Variants in CACHD1 observed in about 807,000 individuals in gnomAD.
CACHD1 encodes cache domain containing 1.
In CACHD1, 71 loss-of-function variants were observed where a neutral mutation model predicts 138.7. The ratio of observed to expected loss-of-function variants is 0.51; its 90% CI spans 0.42 to 0.62. CACHD1 has a LOEUF of 0.62. Ranked by LOEUF, CACHD1 falls within the 20% of genes least tolerant of loss-of-function variation. The pLI, the probability that CACHD1 is intolerant of heterozygous loss-of-function variation, is 0.00. For synonymous variants in CACHD1, 578 were observed against 591.5 expected (o/e 0.98, Z 0.33); for missense variants, 1,389 against 1,625.3 (o/e 0.85, Z 2.50).
In CACHD1 at chr1:64,500,734, AAGAGAG is replaced by A. The variant is rs5774705; in HGVS notation, c.198+29819_198+29824del. On this transcript the variant is annotated intron_variant, in intron 1 of 26. Coordinates refer to ENST00000651257, the MANE Select transcript of CACHD1 (RefSeq NM_020925.4). The stretch of plus-strand genomic sequence containing the variant: ...TTGTCTCTTAAAAAAAAAAAAAAAA[AAGAGAG>A]AGAGAGAGAGAGAGAGAGAGAGAGA... Among the ~76,000 whole-genome samples the A allele has an allele frequency of 7.2e-3, 191 of 26,438 alleles. 1 individual carries two copies. Among genetic ancestry groups the A allele is most frequent in the African/African-American group, 0.013 (154 of 11,986 alleles). The allele number at this position is 26,438 out of a possible 152,430, so 17.3% of individuals were successfully genotyped here. A position where few individuals can be genotyped will look rare whatever the true frequency, so the allele number is the denominator to read the frequency against.
chr1:64,652,381 A>G (rs574284388), intron 10 of CACHD1, 71 bp downstream of exon 10: 2 of 1,356,730 alleles, frequency 1.5e-6, no homozygotes, highest in Non-Finnish European at 2.0e-6. Context: ...TAGATATTCT[A>G]CAAACAAAAT....
chr1:64,634,314 G>A (rs1290185966), intron 7 of CACHD1, 54 bp downstream of exon 7: 11 of 1,226,538 alleles, frequency 9.0e-6, no homozygotes, highest in Non-Finnish European at 1.3e-5. Flanking sequence ...GATGGCAATA[G>A]GAATATATTG....
intron 1 of CACHD1, among the ~76,000 whole-genome samples, chr1:64,481,372 C>T (rs115485474): frequency 9.9e-5 from 15 of 152,126 alleles, no homozygotes; most frequent in East Asian, 1.9e-4. Context: ...GGTGGAAGGA[C>T]GGTGAAAATT....
chr1:64,558,940 A>G (rs1285811069), intron 2 of CACHD1, among the ~76,000 whole-genome samples: 1 of 152,210 alleles, frequency 6.6e-6, no homozygotes, highest in Non-Finnish European at 1.5e-5. Flanking sequence ...CAGAACCACA[A>G]TGAGATACCA....
chr1:64,655,663 G>T (rs544401177), intron 12 of CACHD1, among the ~76,000 whole-genome samples: 53 of 152,264 alleles, frequency 3.5e-4, no homozygotes, highest in African/African-American at 1.1e-3. Context: ...AGGCTTCAAA[G>T]AATCATAGAG....
At chr1:64,606,023 G>A (rs967449170) in intron 4 of CACHD1, among the ~76,000 whole-genome samples, 1 of 151,838 alleles carries the variant, frequency 6.6e-6, no homozygotes, top group African/African-American at 2.4e-5. Context: ...GAAGGAATAA[G>A]TACAACTAGA....
intron 4 of CACHD1, among the ~76,000 whole-genome samples, chr1:64,618,080 C>A (rs1480667209): frequency 6.5e-4 from 94 of 144,244 alleles, no homozygotes; most frequent in South Asian, 8.9e-4. Flanking sequence ...AACTCAGTCT[C>A]AAAAAAAAAA....
intron 3 of CACHD1, among the ~76,000 whole-genome samples, chr1:64,583,273 G>T (rs1647026035): frequency 6.6e-6 from 1 of 152,080 alleles, no homozygotes; most frequent in Non-Finnish European, 1.5e-5. Context: ...ATGTGCCTTT[G>T]TCTGGCTTAC....
intron 4 of CACHD1, among the ~76,000 whole-genome samples, chr1:64,625,906 T>C (rs1648085153): frequency 1.3e-5 from 2 of 152,234 alleles, no homozygotes; most frequent in Non-Finnish European, 2.9e-5. Context: ...GTGGGAGCAT[T>C]AGCACAAAGC....
intron 1 of CACHD1, among the ~76,000 whole-genome samples, chr1:64,536,875 T>C (rs1359554490): frequency 1.3e-5 from 2 of 152,208 alleles, no homozygotes; most frequent in Non-Finnish European, 2.9e-5. Flanking sequence ...AATAGGTGGC[T>C]ATGATAAATC....
intron 1 of CACHD1, among the ~76,000 whole-genome samples, chr1:64,530,944 T>TG (rs1646580205): frequency 6.7e-6 from 1 of 149,786 alleles, no homozygotes; most frequent in Admixed American, 6.6e-5. Flanking sequence ...TTTTTTTTTT[T>TG]TTTAGAAGGA....
intron 1 of CACHD1, among the ~76,000 whole-genome samples, chr1:64,487,038 G>A (rs1260020783): frequency 1.3e-5 from 2 of 152,112 alleles, no homozygotes; most frequent in Non-Finnish European, 2.9e-5. Flanking sequence ...AAGGAGATCA[G>A]TGTGTGTGAA....
intron 5 of CACHD1, among the ~76,000 whole-genome samples, chr1:64,631,949 G>A (rs1648320245): frequency 6.6e-6 from 1 of 152,066 alleles, no homozygotes; most frequent in African/African-American, 2.4e-5. Context: ...TGTATGAGAA[G>A]AGAGAAACCA....
intron 11 of CACHD1, among the ~76,000 whole-genome samples, chr1:64,654,126 A>G (rs1649190610): frequency 6.6e-6 from 1 of 152,192 alleles, no homozygotes; most frequent in South Asian, 2.1e-4. Context: ...TTATGTTCAC[A>G]TTGACTTTCA....
intron 2 of CACHD1, among the ~76,000 whole-genome samples, chr1:64,553,249 A>G (rs1275074753): frequency 6.6e-6 from 1 of 152,200 alleles, no homozygotes; most frequent in Non-Finnish European, 1.5e-5. Context: ...TGGTTCTCCC[A>G]TGGGTTGAAT....
At chr1:64,648,140 T>G in intron 9 of CACHD1, 106 bp downstream of exon 9, 1 of 809,290 alleles carries the variant, frequency 1.2e-6, no homozygotes, top group South Asian at 1.7e-5. Flanking sequence ...CCCTGCCACC[T>G]GTCCTATATC....
At position 64,473,418 on chromosome 1, in the gene CACHD1, G is replaced by A. The variant is rs534689118; in HGVS notation, c.198+2476G>A. The stretch of plus-strand genomic sequence containing the variant: ...TGTAAACCTTTGGGATTTGTTCAGT[G>A]GGTCTGAAATTATGTGGGTTTAGTT... On this transcript the variant is annotated intron_variant, in intron 1 of 26. Coordinates refer to ENST00000651257, the MANE Select transcript of CACHD1 (RefSeq NM_020925.4). Among the ~76,000 whole-genome samples, 14 of 152,246 alleles carry A rather than the reference G, an allele frequency of 9.2e-5. No individual in the cohort carries two copies. In the South Asian group the frequency reaches 1.2e-3, roughly 14 times the overall value.
intron 1 of CACHD1, among the ~76,000 whole-genome samples, chr1:64,499,912 C>G (rs1290304692): frequency 6.6e-6 from 1 of 152,170 alleles, no homozygotes; most frequent in Non-Finnish European, 1.5e-5. Flanking sequence ...TCTCATACTT[C>G]ACTGCCCTGT....
chr1:64,474,284 G>A (rs940145833), intron 1 of CACHD1, among the ~76,000 whole-genome samples: 1 of 152,142 alleles, frequency 6.6e-6, no homozygotes, highest in African/African-American at 2.4e-5. Context: ...CTGTGTCCAG[G>A]GAGACGGGTT....
Sources: gnomAD v4.1 joint callset for allele counts (sites outside exome capture counted in the v4.1 genomes callset) on GRCh38, gnomAD v4.1.1 for gene constraint, MANE v1.5 for transcripts, NCBI Gene and HGNC (gene_info 2026-07-23, HGNC 2026-07-21) for gene names.